MARCO: variants seen among roughly 807,000 people sequenced by gnomAD.
MARCO encodes macrophage receptor with collagenous structure.
A neutral mutation model predicts 70.0 loss-of-function variants in MARCO; 72 were observed. The ratio of observed to expected loss-of-function variants is 1.03; its 90% CI spans 0.85 to 1.25. The LOEUF is 1.25. Ranked by LOEUF, MARCO falls within the 50% of genes most tolerant of loss-of-function variation. The pLI is 0.00. For missense variants in MARCO, 696 were observed against 659.3 expected, an observed-to-expected ratio of 1.06 and a Z score of -0.61; for synonymous variants, 273 against 243.1, an observed-to-expected ratio of 1.12 and a Z score of -1.14.
Position 118,969,198 on chromosome 2 carries a change from C to A in MARCO, c.136C>A (p.Leu46Ile). The A allele has an allele frequency of 6.2e-7, 1 of 1,614,198 alleles. No homozygotes were observed. The highest frequency in any genetic ancestry group is 8.5e-7 in the Non-Finnish European group (1 of 1,180,006). ...PKRRNGVNFS[L>I]AVVVIYLILL... ...GAGGAGAAATGGGGTGAACTTCTCC[C>A]TAGCTGTGGTGGTCATCTACCTGAT... Residue 46 changes from leucine to isoleucine, a missense_variant, in exon 2 of 17, where the codon CTA becomes ATA. Coordinates refer to ENST00000327097, the MANE Select transcript of MARCO (RefSeq NM_006770.4).
At chr2:118,990,508 T>C (rs976771487) in intron 12 of MARCO, 81 bp from the exon 13 acceptor site, 3 of 1,362,614 alleles carry the variant, frequency 2.2e-6, no homozygotes, top group Admixed American at 3.4e-5. Context: ...AGACAAAAGG[T>C]AGAGGTTGTC....
Position 118,970,261 on chromosome 2 carries a change from T to G in MARCO, c.347T>G (p.Leu116Arg). ...CAGGGTGCATCGAGGCTGCAAGTCCTGCAGGCCCAACTCACCTGGGTCCGC... is the reference window on the plus strand; with the variant it reads ...CAGGGTGCATCGAGGCTGCAAGTCCGGCAGGCCCAACTCACCTGGGTCCGC... ...LAQGASRLQV[L>R]QAQLTWVRVS... Residue 116 changes from leucine (L) to arginine (R), a missense_variant, in exon 3 of 17, where the codon CTG (leucine) becomes CGG (arginine). This residue lies in a region of MARCO where 605 missense variants were observed against 537.6 expected (regional missense o/e 1.13). Coordinates refer to ENST00000327097, the MANE Select transcript of MARCO (RefSeq NM_006770.4). 6.2e-7 allele frequency: 1 copy of G among 1,614,098 alleles called. No homozygotes were observed.
chr2:118,965,019 G>A (rs1680018148), intron 1 of MARCO, among the ~76,000 whole-genome samples: 1 of 151,818 alleles, frequency 6.6e-6, no homozygotes, highest in African/African-American at 2.4e-5. Flanking sequence ...TAGTTATGAT[G>A]TGTCTTGATA....
At position 118,991,758 on chromosome 2, in the gene MARCO, G is replaced by T; in HGVS notation, c.1109-19G>T. On this transcript the variant is annotated intron_variant, in intron 13 of 16. Transcript: ENST00000327097. ...AGGCAAAGCAGGGCACCTGATCAGGGCAGTGTCTCTCCTTCCAGGCCCTGC... is the reference window on the plus strand; with the variant it reads ...AGGCAAAGCAGGGCACCTGATCAGGTCAGTGTCTCTCCTTCCAGGCCCTGC... The T allele has an allele frequency of 6.6e-6, 10 of 1,509,742 alleles. No homozygotes were observed. Among genetic ancestry groups the T allele is most frequent in the Non-Finnish European group, 9.0e-6 (10 of 1,108,384 alleles). The allele number at this position is 1,509,742 out of a possible 1,614,324, so 93.5% of individuals were successfully genotyped here. A position where few individuals can be genotyped will look rare whatever the true frequency, so the allele number is the denominator to read the frequency against.
At position 118,942,234 on chromosome 2, in the gene MARCO, A is replaced by T; in HGVS notation, c.-67A>T. On this transcript the variant is annotated 5_prime_UTR_variant, in exon 1 of 17. Transcript: ENST00000327097. ...GGTTCGATGGGAAGGATCTTTCTCC[A>T]AGTGGTTCCTCTTGAGGGGAGCATT... 1.0e-6 allele frequency: 1 copy of T among 996,666 alleles called. No individual in the cohort carries two copies. The highest frequency in any genetic ancestry group is 2.5e-5 in the East Asian group (1 of 40,388). 61.7% of individuals were successfully genotyped at this position (996,666 alleles called of 1,614,324 possible). A position where few individuals can be genotyped will look rare whatever the true frequency, so the allele number is the denominator to read the frequency against.
At chr2:118,949,381 T>C (rs745399360) in intron 1 of MARCO, 4 of 152,220 alleles carry the variant, frequency 2.6e-5, no homozygotes, top group Non-Finnish European at 5.9e-5. Flanking sequence ...ATGGCTATGG[T>C]TTGCCATAGG....
intron 12 of MARCO, among the ~76,000 whole-genome samples, chr2:118,989,205 C>T: frequency 6.6e-6 from 1 of 152,170 alleles, no homozygotes; most frequent in Non-Finnish European, 1.5e-5. Context: ...TGTGAGTTCT[C>T]CAGGTGAACC....
intron 1 of MARCO, among the ~76,000 whole-genome samples, chr2:118,947,168 C>A (rs936785691): frequency 2.0e-5 from 3 of 152,162 alleles, no homozygotes; most frequent in South Asian, 2.1e-4. Context: ...TTAATTCTGA[C>A]AAGGTCCAAC....
chr2:118,957,600 T>A (rs552934950), intron 1 of MARCO, among the ~76,000 whole-genome samples: 1 of 151,960 alleles, frequency 6.6e-6, no homozygotes, highest in African/African-American at 2.4e-5. Context: ...AAGGTACCAA[T>A]CCTTTTGACA....
intron 1 of MARCO, among the ~76,000 whole-genome samples, chr2:118,960,912 C>T (rs886565011): frequency 6.6e-6 from 1 of 152,018 alleles, no homozygotes; most frequent in Non-Finnish European, 1.5e-5. Context: ...CTGACTGGCC[C>T]CAGTGTGTGT....
chr2:118,950,767 A>G (rs1044799011), intron 1 of MARCO, among the ~76,000 whole-genome samples: 1 of 151,734 alleles, frequency 6.6e-6, no homozygotes, highest in African/African-American at 2.4e-5. Context: ...TTACCATATA[A>G]CATTCCTTTT....
At position 118,977,834 on chromosome 2, in the gene MARCO, C is replaced by A. The variant is rs1043728574; in HGVS notation, c.665C>A (p.Pro222Gln). 3 of 1,611,300 alleles carry A rather than the reference C, an allele frequency of 1.9e-6. No homozygotes were observed. In the African/African-American group the frequency reaches 4.0e-5, roughly 22 times the overall value. ...CCAGCCATTCTCTTTGCAGGCACCCCAGGACCCCAAGGAGAGAAGGGCAGC... is the reference window on the plus strand; with the variant it reads ...CCAGCCATTCTCTTTGCAGGCACCCAAGGACCCCAAGGAGAGAAGGGCAGC... The part of the protein sequence containing the change: ...APGKQGATGT[P>Q]GPQGEKGSKG... Residue 222 changes from proline (P) to glutamine (Q), a missense_variant, in exon 8 of 17, where the codon CCA becomes CAA. Physicochemically the swap from Pro to Gln is moderately conservative, Grantham distance 76. This residue lies in a region of MARCO where 605 missense variants were observed against 537.6 expected (regional missense o/e 1.13). Transcript: ENST00000327097.
At chr2:118,960,321 T>C (rs933802614) in intron 1 of MARCO, among the ~76,000 whole-genome samples, 4 of 152,110 alleles carry the variant, frequency 2.6e-5, no homozygotes, top group African/African-American at 9.7e-5. Flanking sequence ...CAAGAACATA[T>C]ATCCTTGCCT....
rs956889696 is a variant in MARCO at position 118,990,495 on chromosome 2, A to C, written c.1064-94A>C. ...CCAATGTATCTTTCCATCTGCATTAATCAGACAAAAGGTAGAGGTTGTCTA... is the reference window on the plus strand; with the variant it reads ...CCAATGTATCTTTCCATCTGCATTACTCAGACAAAAGGTAGAGGTTGTCTA... On this transcript the variant is annotated intron_variant, in intron 12 of 16. Coordinates refer to ENST00000327097, the MANE Select transcript of MARCO (RefSeq NM_006770.4). The C allele has an allele frequency of 2.4e-6, 3 of 1,228,900 alleles. No individual in the cohort carries two copies. In the African/African-American group the frequency reaches 4.4e-5, roughly 18 times the overall value. The allele number at this position is 1,228,900 out of a possible 1,614,324, so 76.1% of individuals were successfully genotyped here.
At position 118,986,679 on chromosome 2, in the gene MARCO, A is replaced by AGG. The variant is rs1558671799; in HGVS notation, c.1064-3910_1064-3909insGG. Among the ~76,000 whole-genome samples the AGG allele has an allele frequency of 3.8e-3, 222 of 58,210 alleles. 6 individuals are homozygous for AGG. The highest frequency in any genetic ancestry group is 9.1e-3 in the Middle Eastern group (1 of 110). 38.2% of individuals were successfully genotyped at this position (58,210 alleles called of 152,430 possible). A position where few individuals can be genotyped will look rare whatever the true frequency, so the allele number is the denominator to read the frequency against. ...AAGGAAGGAAGGAAGGAAGGAAAGA[A>AGG]AGAAAGAAAGAAAGAAAGAAAGAAA... is the stretch of plus-strand genomic sequence containing the variant. On this transcript the variant is annotated intron_variant, in intron 12 of 16. Transcript: ENST00000327097.
At position 118,994,588 on chromosome 2, in the gene MARCO, C is replaced by G. The variant is rs1680688176; in HGVS notation, c.*68C>G. 31 of 1,471,000 alleles carry G rather than the reference C, an allele frequency of 2.1e-5. No individual in the cohort carries two copies. In the South Asian group the frequency reaches 4.2e-4, roughly 20 times the overall value. The allele number at this position is 1,471,000 out of a possible 1,614,324, so 91.1% of individuals were successfully genotyped here. ...GCTCATATGTGGGAAGGCAGAGGAT[C>G]TCTGAGGAGTTCCCTGGGGACAACT... On this transcript the variant is annotated 3_prime_UTR_variant, in exon 17 of 17. Coordinates refer to ENST00000327097, the MANE Select transcript of MARCO (RefSeq NM_006770.4).
chr2:118,955,991 C>G lies in MARCO; in HGVS notation c.98-13169C>G, dbSNP rs549740398. The stretch of plus-strand genomic sequence containing the variant: ...TCTGTTTAAATCTTGAAACAAATCC[C>G]AGAAATACATCAAAACAGAATCTCT... On this transcript the variant is annotated intron_variant, in intron 1 of 16. Transcript: ENST00000327097. Among the ~76,000 whole-genome samples, 6 of 152,172 alleles carry G rather than the reference C, an allele frequency of 3.9e-5. No individual in the cohort carries two copies. In the South Asian group the frequency reaches 1.2e-3, roughly 32 times the overall value.
At chr2:118,964,196 A>G (rs1054132195) in intron 1 of MARCO, among the ~76,000 whole-genome samples, 2 of 152,192 alleles carry the variant, frequency 1.3e-5, no homozygotes, top group African/African-American at 4.8e-5. Flanking sequence ...GTCATTTTCT[A>G]TTACATTCAC....
At chr2:118,966,282 A>G (rs1042444061) in intron 1 of MARCO, among the ~76,000 whole-genome samples, 1 of 152,216 alleles carries the variant, frequency 6.6e-6, no homozygotes, top group Non-Finnish European at 1.5e-5. Flanking sequence ...ATCTTTGCCC[A>G]TACTCATCAA....
Sources: gnomAD v4.1 joint callset for allele counts (sites outside exome capture counted in the v4.1 genomes callset) on GRCh38, gnomAD v4.1.1 for gene constraint, gnomAD v4.1.1 regional missense constraint, MANE v1.5 for transcripts, NCBI Gene and HGNC (gene_info 2026-07-23, HGNC 2026-07-21) for gene names.